ITGB8: variants seen among roughly 807,000 people sequenced by gnomAD.
The protein encoded by ITGB8 is integrin beta-8.
In ITGB8, 30 loss-of-function variants were observed where a neutral mutation model predicts 89.5. The observed-to-expected ratio is 0.34, with a 90% CI of 0.25 to 0.45. The LOEUF (loss-of-function observed/expected upper bound fraction) is 0.45. Among genes scored for constraint, ITGB8 ranks in the 20% least tolerant of loss-of-function variants. The pLI, the probability that ITGB8 is intolerant of heterozygous loss-of-function variation, is 1.00. For synonymous variants in ITGB8, 335 were observed against 320.4 expected, an observed-to-expected ratio of 1.05 and a Z score of -0.49; for missense variants, 836 against 933.3, an observed-to-expected ratio of 0.90 and a Z score of 1.36.
intron 1 of ITGB8, chr7:20,352,571 T>C (rs1451224886): frequency 6.6e-6 from 1 of 152,216 alleles, no homozygotes; most frequent in African/African-American, 2.4e-5. Context: ...CTGAAGATAA[T>C]CAAACAGCTA....
At chr7:20,393,906 C>T (rs2084302788) in intron 7 of ITGB8, among the ~76,000 whole-genome samples, 3 of 152,216 alleles carry the variant, frequency 2.0e-5, no homozygotes, top group South Asian at 2.1e-4. Context: ...GGTCTGTGCA[C>T]ATCTCTATTG....
chr7:20,370,837 C>T (rs1785906513), intron 3 of ITGB8, among the ~76,000 whole-genome samples: 2 of 152,078 alleles, frequency 1.3e-5, no homozygotes, highest in South Asian at 4.2e-4. Flanking sequence ...TGGTCTCGAA[C>T]TCCTCGACTC....
At chr7:20,380,553 CT>C (rs1418758494) in intron 4 of ITGB8, 112 bp from the exon 5 acceptor site, 5 of 828,592 alleles carry the variant, frequency 6.0e-6, no homozygotes, top group African/African-American at 1.7e-5. Flanking sequence ...TAAAGTTTCC[CT>C]GGCACAAAAG....
intron 1 of ITGB8, among the ~76,000 whole-genome samples, chr7:20,340,359 T>G (rs1403437545): frequency 3.3e-5 from 5 of 152,184 alleles, no homozygotes; most frequent in Non-Finnish European, 7.3e-5. Flanking sequence ...TCAAAGCCTA[T>G]GGAAGAGACC....
At chr7:20,368,794 T>A (rs1346854892) in intron 3 of ITGB8, among the ~76,000 whole-genome samples, 1 of 152,104 alleles carries the variant, frequency 6.6e-6, no homozygotes, top group African/African-American at 2.4e-5. Flanking sequence ...CCATCTTTAA[T>A]GATTTTTTTT....
intron 1 of ITGB8, among the ~76,000 whole-genome samples, chr7:20,354,845 G>A (rs1230819163): frequency 6.6e-6 from 1 of 152,226 alleles, no homozygotes; most frequent in Non-Finnish European, 1.5e-5. Context: ...GAGAAGGTGG[G>A]AATTGTGGCA....
Position 20,415,530 on chromosome 7 carries a change from A to G in ITGB8, c.*5533A>G, listed in dbSNP as rs1166680074. ...GAATATTGGAGAATATGATACTTTC[A>G]CATAATATACTATGAACCTGTTCAT... is the stretch of plus-strand genomic sequence containing the variant. On this transcript the variant is annotated 3_prime_UTR_variant, in exon 14 of 14. Coordinates refer to ENST00000222573, the MANE Select transcript of ITGB8 (RefSeq NM_002214.3). 1.3e-5 allele frequency: 2 copies of G among 152,578 alleles called. No homozygotes were observed. Among genetic ancestry groups the G allele is most frequent in the South Asian group, 2.1e-4 (1 of 4,836 alleles). The allele number at this position is 152,578 out of a possible 1,614,324, so 9.5% of individuals were successfully genotyped here. A position where few individuals can be genotyped will look rare whatever the true frequency, so the allele number is the denominator to read the frequency against.
At chr7:20,354,846 A>C (rs916254364) in intron 1 of ITGB8, among the ~76,000 whole-genome samples, 4 of 152,238 alleles carry the variant, frequency 2.6e-5, no homozygotes, top group African/African-American at 9.6e-5. Context: ...AGAAGGTGGG[A>C]ATTGTGGCAT....
chr7:20,402,460 C>T (rs1787353970), intron 10 of ITGB8, among the ~76,000 whole-genome samples: 1 of 152,146 alleles, frequency 6.6e-6, no homozygotes, highest in African/African-American at 2.4e-5. Flanking sequence ...TCAGAGTATT[C>T]TTCTAGAAGG....
Position 20,394,939 on chromosome 7 carries a change from A to T in ITGB8, c.1100A>T (p.Glu367Val), listed in dbSNP as rs769644188. 1 of 1,613,798 alleles carries T rather than the reference A, an allele frequency of 6.2e-7. No homozygotes were observed. The highest frequency in any genetic ancestry group is 1.1e-5 in the South Asian group (1 of 91,072). ...CCAGGCACCATTGCTGGTGAAATAG[A>T]ATCAAAGGCTGCAAACCTCAATAAT... ...LLPGTIAGEI[E>V]SKAANLNNLV... The change falls in exon 8 of 14, where the codon GAA becomes GTA. Residue 367 changes from glutamate (E) to valine (V), a missense_variant. Physicochemically the swap from Glu to Val is moderately radical, Grantham distance 121. Around this residue, in one of 5 missense-constraint regions of ITGB8, gnomAD observed 192 missense variants for 267.1 expected, o/e 0.72. Coordinates refer to ENST00000222573, the MANE Select transcript of ITGB8 (RefSeq NM_002214.3).
At chr7:20,358,619 T>C (rs1785383597) in intron 1 of ITGB8, among the ~76,000 whole-genome samples, 1 of 152,144 alleles carries the variant, frequency 6.6e-6, no homozygotes, top group Admixed American at 6.5e-5. Context: ...GTCAGGCTGG[T>C]CTCGAACTCC....
intron 10 of ITGB8, among the ~76,000 whole-genome samples, chr7:20,404,070 T>C (rs1787432436): frequency 6.6e-6 from 1 of 152,192 alleles, no homozygotes; most frequent in South Asian, 2.1e-4. Context: ...GCTAACTTAC[T>C]AAATAGTGCA....
At chr7:20,392,131 C>A (rs1404955929) in intron 7 of ITGB8, among the ~76,000 whole-genome samples, 1 of 152,170 alleles carries the variant, frequency 6.6e-6, no homozygotes, top group African/African-American at 2.4e-5. Flanking sequence ...AACTGTTCCT[C>A]TGCAACCCTG....
intron 1 of ITGB8, among the ~76,000 whole-genome samples, chr7:20,356,727 G>A (rs1040461089): frequency 6.6e-6 from 1 of 152,080 alleles, no homozygotes; most frequent in Admixed American, 6.5e-5. Context: ...CTTTTTGCCA[G>A]ATAACCATGA....
chr7:20,368,809 T>C (rs1334045728), intron 3 of ITGB8, among the ~76,000 whole-genome samples: 1 of 152,214 alleles, frequency 6.6e-6, no homozygotes, highest in African/African-American at 2.4e-5. Flanking sequence ...TTTTTTAATT[T>C]TACTGTTATC....
intron 6 of ITGB8, among the ~76,000 whole-genome samples, chr7:20,384,783 T>A (rs1299432397): frequency 6.6e-6 from 1 of 152,234 alleles, no homozygotes; most frequent in Non-Finnish European, 1.5e-5. Flanking sequence ...TATAACCAGA[T>A]GATTTGACTT....
rs963297250 is a variant in ITGB8 at position 20,364,055 on chromosome 7, G to A, written c.213+333G>A. Among the ~76,000 whole-genome samples, 3 of 152,184 alleles carry A rather than the reference G, an allele frequency of 2.0e-5. No homozygotes were observed. The South Asian group carries it at 6.2e-4, about 32-fold the overall frequency. ...TGGTGTGGAATTCTTGCTTCAGCTT[G>A]AGGCATTAGGTTATGTATCCTGTTG... is the stretch of plus-strand genomic sequence containing the variant. On this transcript the variant is annotated intron_variant, in intron 2 of 13. Transcript: ENST00000222573.
At chr7:20,344,354 A>G (rs1014086693) in intron 1 of ITGB8, among the ~76,000 whole-genome samples, 2 of 152,204 alleles carry the variant, frequency 1.3e-5, no homozygotes, top group African/African-American at 4.8e-5. Context: ...CCAGCTATTT[A>G]GATTTTCAAT....
chr7:20,363,688 C>G lies in ITGB8; in HGVS notation c.179C>G (p.Ala60Gly). ...SNAASCARCL[A>G]LGPECGWCVQ... ...GCAGCATCCTGTGCCAGGTGCCTTG[C>G]GCTGGGTCCAGAATGTGGATGGTGT... Residue 60 changes from alanine to glycine, a missense_variant, in exon 2 of 14, where the codon GCG (alanine) becomes GGG (glycine). Physicochemically the swap from Ala to Gly is moderately conservative, Grantham distance 60 (BLOSUM62 0). This residue lies in a region of ITGB8 where 182 missense variants were observed against 177.0 expected (regional missense o/e 1.03). Coordinates refer to ENST00000222573, the MANE Select transcript of ITGB8 (RefSeq NM_002214.3). The G allele has an allele frequency of 6.2e-7, 1 of 1,605,116 alleles. No individual in the cohort carries two copies. The highest frequency in any genetic ancestry group is 8.5e-7 in the Non-Finnish European group (1 of 1,177,280).
Sources: gnomAD v4.1 joint callset for allele counts (sites outside exome capture counted in the v4.1 genomes callset) on GRCh38, gnomAD v4.1.1 for gene constraint, gnomAD v4.1.1 regional missense constraint, MANE v1.5 for transcripts, NCBI Gene and HGNC (gene_info 2026-07-23, HGNC 2026-07-21) for gene names.